The following DHX16 variants were observed in gnomAD, a reference collection of about 807,000 sequenced individuals.
The protein encoded by DHX16 is pre-mRNA-splicing factor ATP-dependent RNA helicase DHX16.
In DHX16, 81 loss-of-function variants were observed where a neutral mutation model predicts 131.2. The ratio of observed to expected loss-of-function variants is 0.62; its 90% confidence interval spans 0.52 to 0.74. DHX16 has a LOEUF of 0.74. DHX16 is among the 30% of genes least tolerant of loss of function. The pLI, the probability that DHX16 is intolerant of heterozygous loss-of-function variation, is 0.00. For synonymous variants in DHX16, 440 were observed against 520.2 expected, an observed-to-expected ratio of 0.85 and a Z score of 2.10; for missense variants, 980 against 1,363.1, an observed-to-expected ratio of 0.72 and a Z score of 4.43.
Position 30,665,549 on chromosome 6 carries a change from C to CGGTACT in DHX16, c.845_850dup (p.Tyr283_Arg284insGlnTyr). On this transcript the variant is annotated inframe_insertion, in exon 5 of 20. Coordinates refer to ENST00000376442, the MANE Select transcript of DHX16 (RefSeq NM_003587.5). The surrounding 1 kb of genome is among the most constrained non-coding windows in gnomAD (Gnocchi z 4.8). ...CAGCTTCTCCTGCTCCCCAGCTGCCCGGTACTCCCGGGCGAGATCCCGCAC... is the reference window on the plus strand; with the variant it reads ...CAGCTTCTCCTGCTCCCCAGCTGCCCGGTACTGGTACTCCCGGGCGAGATCCCGCAC... 6.2e-7 allele frequency: 1 copy of CGGTACT among 1,613,046 alleles called. No homozygotes were observed. Among genetic ancestry groups the CGGTACT allele is most frequent in the East Asian group, 2.2e-5 (1 of 44,880 alleles).
chr6:30,657,075 G>A lies in DHX16; in HGVS notation c.2025C>T (p.Asn675=). ...CAATGGTGAGTGATGTCTCAGCAAT[G>A]TTCGTTGCCACAACCACCTGAGTGA... The part of the protein sequence containing the change: ...PGARKVVVAT[N]IAETSLTIEG... Residue 675 remains asparagine (N), a synonymous_variant, in exon 13 of 20, where the codon AAC becomes AAT. Transcript: ENST00000376442. 1 of 1,612,846 alleles carries A rather than the reference G, an allele frequency of 6.2e-7. No individual in the cohort carries two copies. Among genetic ancestry groups the A allele is most frequent in the Non-Finnish European group, 8.5e-7 (1 of 1,179,896 alleles).
chr6:30,670,271 C>A lies in DHX16; in HGVS notation c.666+139G>T. The stretch of plus-strand genomic sequence containing the variant: ...TCTATCCTCAGCTGGCTCCTAACAA[C>A]CAAGCCCCTCTTCTAGAAACCTGAC... On this transcript the variant is annotated intron_variant, in intron 4 of 19. Coordinates refer to ENST00000376442, the MANE Select transcript of DHX16 (RefSeq NM_003587.5). The surrounding 1 kb of genome is among the most constrained non-coding windows in gnomAD (Gnocchi z 4.4). 1 of 793,282 alleles carries A rather than the reference C, an allele frequency of 1.3e-6. No homozygotes were observed. The highest frequency in any genetic ancestry group is 2.9e-5 in the Admixed American group (1 of 34,998). 49.1% of individuals were successfully genotyped at this position (793,282 alleles called of 1,614,324 possible).
chr6:30,663,094 G>A, intron 7 of DHX16, 73 bp from the exon 8 acceptor site: 1 of 1,245,838 alleles, frequency 8.0e-7, no homozygotes, highest in Non-Finnish European at 1.1e-6. Flanking sequence ...ACATTTCAGA[G>A]AAAGAAGTTG....
chr6:30,665,732 A>C lies in DHX16; in HGVS notation c.668T>G (p.Val223Gly). 6.2e-7 allele frequency: 1 copy of C among 1,608,306 alleles called. No individual in the cohort carries two copies. ...GCGAGATTTCTTCCGCAGCTCAGGG[A>C]CCTGAGTTGGGAAAGGACAGTCGAA... Reference protein sequence around the residue: ...KMAEEDRKAMVPELRKKSRRE... With the variant: ...KMAEEDRKAMGPELRKKSRRE... The change falls in exon 5 of 20, where the codon GTC (valine) becomes GGC (glycine). Residue 223 changes from valine (V) to glycine (G), a missense_variant and splice_region_variant. Physicochemically the swap from Val to Gly is moderately radical, Grantham distance 109 (BLOSUM62 -3). This residue lies in a region of DHX16 where 457 missense variants were observed against 554.8 expected (regional missense o/e 0.82). Transcript: ENST00000376442. This position sits in a 1 kb window ranked among gnomAD's most constrained non-coding sequence, Gnocchi z 4.8.
chr6:30,660,750 T>C (rs954462118), intron 9 of DHX16, among the ~76,000 whole-genome samples: 1 of 151,686 alleles, frequency 6.6e-6, no homozygotes, highest in African/African-American at 2.4e-5. Flanking sequence ...GATGTGGTGG[T>C]AGACGCCTGT....
chr6:30,659,721 C>A lies in DHX16; in HGVS notation c.1854+15G>T. 1 of 1,613,644 alleles carries A rather than the reference C, an allele frequency of 6.2e-7. No individual in the cohort carries two copies. Among genetic ancestry groups the A allele is most frequent in the Middle Eastern group, 1.7e-4 (1 of 6,058 alleles). On this transcript the variant is annotated intron_variant, in intron 11 of 19. Transcript: ENST00000376442. ...CCTGGGATACATCATCCCCTCTCCC[C>A]ACCATGTCAGGCACCTGTCCTGTCA... is the stretch of plus-strand genomic sequence containing the variant.
At chr6:30,669,489 G>A (rs1769335266) in intron 4 of DHX16, among the ~76,000 whole-genome samples, 1 of 151,922 alleles carries the variant, frequency 6.6e-6, no homozygotes, top group South Asian at 2.1e-4. Context: ...TGGGCATGGT[G>A]GCTCACGCCT....
rs953317689 is a variant in DHX16, at chr6:30,669,744, TAAAA to T, written c.666+662_666+665del. 2.6e-4 allele frequency among the ~76,000 whole-genome samples: 30 copies of T among 113,816 alleles called. 2 individuals are homozygous for T. The highest frequency in any genetic ancestry group is 2.0e-3 in the East Asian group (8 of 4,004). 74.7% of individuals were successfully genotyped at this position (113,816 alleles called of 152,430 possible). ...CGTTTCAAAAAAAAGAAAAAAGGTT[TAAAA>T]AAAAAAAAAAAAAAAAAAAGGAACT... On this transcript the variant is annotated intron_variant, in intron 4 of 19. Coordinates refer to ENST00000376442, the MANE Select transcript of DHX16 (RefSeq NM_003587.5).
In DHX16 at chr6:30,653,299, A is replaced by C. The variant is rs547315021; in HGVS notation, c.3069T>G (p.Asp1023Glu). The C allele has an allele frequency of 2.5e-6, 4 of 1,612,764 alleles. No individual in the cohort carries two copies. Among genetic ancestry groups the C allele is most frequent in the South Asian group, 2.2e-5 (2 of 91,058 alleles). The change falls in exon 20 of 20, where the codon GAT becomes GAG. Residue 1023 changes from aspartate to glutamate, a missense_variant. Asp to Glu is a conservative substitution (Grantham distance 45). Transcript: ENST00000376442. ...TTTTGGGCATTTTCTTAGCATGGGG[A>C]TCTTCTAGCTCCTTGGCCTTATAAT... ...PHYYKAKELE[D>E]PHAKKMPKKI...
At position 30,656,104 on chromosome 6, in the gene DHX16, G is replaced by A; in HGVS notation, c.2498+94C>T. On this transcript the variant is annotated intron_variant, in intron 16 of 19. Transcript: ENST00000376442. This position sits in a 1 kb window ranked among gnomAD's most constrained non-coding sequence, Gnocchi z 5.1. ...TTTATTATGTGTTAAGGGATAGTAT[G>A]ATGAACAGAAAAAGACAGACAAAGG... 8.2e-7 allele frequency: 1 copy of A among 1,223,578 alleles called. No individual in the cohort carries two copies. Among genetic ancestry groups the A allele is most frequent in the Non-Finnish European group, 1.2e-6 (1 of 837,874 alleles). The allele number at this position is 1,223,578 out of a possible 1,614,324, so 75.8% of individuals were successfully genotyped here.
Position 30,656,109 on chromosome 6 carries a change from A to ACAG in DHX16, c.2498+86_2498+88dup, listed in dbSNP as rs1237826890. ...TATGTGTTAAGGGATAGTATGATGA[A>ACAG]CAGAAAAAGACAGACAAAGGGGACC... On this transcript the variant is annotated intron_variant, in intron 16 of 19. Transcript: ENST00000376442. This position sits in a 1 kb window ranked among gnomAD's most constrained non-coding sequence, Gnocchi z 5.1. The ACAG allele has an allele frequency of 4.7e-6, 6 of 1,265,154 alleles. No individual in the cohort carries two copies. Among genetic ancestry groups the ACAG allele is most frequent in the Non-Finnish European group, 6.9e-6 (6 of 875,344 alleles). 78.4% of individuals were successfully genotyped at this position (1,265,154 alleles called of 1,614,324 possible).
chr6:30,654,763 C>T lies in DHX16; in HGVS notation c.2940G>A (p.Gln980=). 6.2e-6 allele frequency: 10 copies of T among 1,612,956 alleles called. No homozygotes were observed. The highest frequency in any genetic ancestry group is 8.5e-6 in the Non-Finnish European group (10 of 1,179,976). Residue 980 remains glutamine (Q), a synonymous_variant, in exon 19 of 20, where the codon CAG becomes CAA. Transcript: ENST00000376442. ...GTTCGTGGTAGAGCAGCCAGCGTGGCTGTTGCTCAAAGAGGGAGGAGTTGG... is the reference window on the plus strand; with the variant it reads ...GTTCGTGGTAGAGCAGCCAGCGTGGTTGTTGCTCAAAGAGGGAGGAGTTGG... ...IHPNSSLFEQ[Q]PRWLLYHELV...
Position 30,655,346 on chromosome 6 carries a change from C to T in DHX16, c.2662-10G>A, listed in dbSNP as rs747351609. On this transcript the variant is annotated splice_polypyrimidine_tract_variant and intron_variant, in intron 17 of 19. Coordinates refer to ENST00000376442, the MANE Select transcript of DHX16 (RefSeq NM_003587.5). Reference sequence around the variant, plus strand: ...AACCACTCTCAGCCCACTGGGAAGACAGTTAAAAAGAAAGGAGAGATAATT... The same window carrying T: ...AACCACTCTCAGCCCACTGGGAAGATAGTTAAAAAGAAAGGAGAGATAATT... 6.8e-6 allele frequency: 11 copies of T among 1,613,842 alleles called. No homozygotes were observed. Among genetic ancestry groups the T allele is most frequent in the Non-Finnish European group, 9.3e-6 (11 of 1,179,854 alleles).
In DHX16 at chr6:30,665,742, G is replaced by A. The variant is rs1768988483; in HGVS notation, c.667-9C>T. 6.2e-7 allele frequency: 1 copy of A among 1,606,222 alleles called. No individual in the cohort carries two copies. Among genetic ancestry groups the A allele is most frequent in the African/African-American group, 1.3e-5 (1 of 74,996 alleles). On this transcript the variant is annotated splice_polypyrimidine_tract_variant and intron_variant, in intron 4 of 19. Transcript: ENST00000376442. This position sits in a 1 kb window ranked among gnomAD's most constrained non-coding sequence, Gnocchi z 4.8. Reference sequence around the variant, plus strand: ...TTCCGCAGCTCAGGGACCTGAGTTGGGAAAGGACAGTCGAATCCTCATCTT... The same window carrying A: ...TTCCGCAGCTCAGGGACCTGAGTTGAGAAAGGACAGTCGAATCCTCATCTT...
Position 30,662,517 on chromosome 6 carries a change from C to T in DHX16, c.1544+110G>A. On this transcript the variant is annotated intron_variant, in intron 9 of 19. Transcript: ENST00000376442. This position sits in a 1 kb window ranked among gnomAD's most constrained non-coding sequence, Gnocchi z 4.7. ...TCTCCGTGGTACCTGGAGGTCAGTTCAAGGACCATTTGAACCACAAAGATT... is the reference window on the plus strand; with the variant it reads ...TCTCCGTGGTACCTGGAGGTCAGTTTAAGGACCATTTGAACCACAAAGATT... The T allele has an allele frequency of 3.3e-6, 3 of 916,064 alleles. No homozygotes were observed. The highest frequency in any genetic ancestry group is 5.2e-6 in the Non-Finnish European group (3 of 576,348). The allele number at this position is 916,064 out of a possible 1,614,324, so 56.7% of individuals were successfully genotyped here.
intron 19 of DHX16, among the ~76,000 whole-genome samples, 157 bp downstream of exon 19, chr6:30,654,549 C>CA (rs370733165): frequency 2.4e-4 from 36 of 150,654 alleles, no homozygotes; most frequent in African/African-American, 7.5e-4. Context: ...GACTCCGTCT[C>CA]AAAAAAAACA....
rs1469834621 is a variant in DHX16 at position 30,671,212 on chromosome 6, C to CA, written c.269dup (p.Leu91AlafsTer8). 6.2e-7 allele frequency: 1 copy of CA among 1,613,058 alleles called. No individual in the cohort carries two copies. Among genetic ancestry groups the CA allele is most frequent in the Admixed American group, 1.7e-5 (1 of 60,018 alleles). On this transcript the variant is annotated frameshift_variant, in exon 2 of 20. Transcript: ENST00000376442. LOFTEE classifies it high-confidence loss of function. ...ACCTATAAGATCGGTTCTTCTCCAG[C>CA]AGGGCCCGGGCCTCTCGCTCTGCTG...
rs1184530778 is a variant in DHX16 at position 30,655,253 on chromosome 6, C to G, written c.2745G>C (p.Arg915=). The change falls in exon 18 of 20, where the codon CGG becomes CGC. Residue 915 remains arginine, a synonymous_variant. Coordinates refer to ENST00000376442, the MANE Select transcript of DHX16 (RefSeq NM_003587.5). The part of the protein sequence containing the change: ...FRSMRRARDV[R]EQLEGLLERV... The stretch of plus-strand genomic sequence containing the variant: ...GTTCCAAGAGCCCTTCCAGCTGTTC[C>G]CGCACATCCCGGGCTCGGCGCATCG... 2 of 1,614,192 alleles carry G rather than the reference C, an allele frequency of 1.2e-6. No individual in the cohort carries two copies. The highest frequency in any genetic ancestry group is 2.2e-5 in the South Asian group (2 of 91,072).
In DHX16 at chr6:30,664,869, C is replaced by T; in HGVS notation, c.1249G>A (p.Val417Ile). Residue 417 changes from valine to isoleucine, a missense_variant, in exon 7 of 20, where the codon GTC (valine) becomes ATC (isoleucine). Physicochemically the swap from Val to Ile is conservative, Grantham distance 29 (BLOSUM62 3). Around this residue, in one of 3 missense-constraint regions of DHX16, gnomAD observed 457 missense variants for 554.8 expected, o/e 0.82. Coordinates refer to ENST00000376442, the MANE Select transcript of DHX16 (RefSeq NM_003587.5). ...CCTGTCTCGCCTTCAATGATGAGGA[C>T]TTGGTGATTTGCAATAGCAGCCAGG... is the stretch of plus-strand genomic sequence containing the variant. Reference protein sequence around the residue: ...ELLAAIANHQVLIIEGETGSG... With the variant: ...ELLAAIANHQILIIEGETGSG... The T allele has an allele frequency of 6.2e-7, 1 of 1,613,116 alleles. No homozygotes were observed. Among genetic ancestry groups the T allele is most frequent in the Non-Finnish European group, 8.5e-7 (1 of 1,180,014 alleles).
Sources: allele counts gnomAD v4.1 joint callset (sites outside exome capture counted in the v4.1 genomes callset), GRCh38; gene constraint gnomAD v4.1.1; regional missense constraint gnomAD v4.1.1; non-coding constraint Gnocchi (gnomAD v3.1); transcripts MANE v1.5; gene names NCBI Gene and HGNC (gene_info 2026-07-23, HGNC 2026-07-21).